Variants in ARHGEF12 observed in about 807,000 individuals in gnomAD.
ARHGEF12 encodes the protein Rho guanine nucleotide exchange factor 12, also known as KMT2A/ARHGEF12 fusion protein.
ARHGEF12 carries 66 observed loss-of-function variants against 211.2 expected under a neutral mutation model. The ratio of observed to expected loss-of-function variants is 0.31; its 90% CI spans 0.26 to 0.38. The LOEUF (loss-of-function observed/expected upper bound fraction) is 0.38, where lower values mean the gene tolerates loss of function less well. ARHGEF12 is among the 10% of genes least tolerant of loss of function. The probability of loss-of-function intolerance (pLI) is 1.00; values close to 1 mark genes in which losing one functional copy is unlikely to be tolerated. For missense variants in ARHGEF12, 1,429 were observed against 1,869.5 expected (o/e 0.76, Z 4.34); for synonymous variants, 592 against 638.4 (o/e 0.93, Z 1.09).
chr11:120,446,985 G>A lies in ARHGEF12; in HGVS notation c.1489G>A (p.Glu497Lys), dbSNP rs367789216. Residue 497 changes from glutamate (E) to lysine (K), a missense_variant, in exon 18 of 41, where the codon GAG (glutamate) becomes AAG (lysine). Transcript: ENST00000397843. The stretch of plus-strand genomic sequence containing the variant: ...TATGGGACTGACCTTGGCTGAAAGC[G>A]AGCTGACTAAACTTGATGCAGAGCG... ...RSMGLTLAES[E>K]LTKLDAERDK... is the part of the protein sequence containing the mutation. The A allele has an allele frequency of 1.5e-5, 24 of 1,614,040 alleles. No homozygotes were observed. Among genetic ancestry groups the A allele is most frequent in the African/African-American group, 5.3e-5 (4 of 74,914 alleles).
At chr11:120,355,055 C>T (rs1943093323) in intron 1 of ARHGEF12, among the ~76,000 whole-genome samples, 1 of 152,162 alleles carries the variant, frequency 6.6e-6, no homozygotes, top group Non-Finnish European at 1.5e-5. Context: ...GCTTATCCAG[C>T]TTGAAAAATT....
chr11:120,356,995 T>G (rs1943147620), intron 1 of ARHGEF12, among the ~76,000 whole-genome samples: 1 of 152,182 alleles, frequency 6.6e-6, no homozygotes, highest in Middle Eastern at 3.4e-3. Context: ...TGAATCTGTC[T>G]GACTTCCCAA....
intron 1 of ARHGEF12, among the ~76,000 whole-genome samples, chr11:120,397,150 T>C (rs1944416250): frequency 6.6e-6 from 1 of 152,222 alleles, no homozygotes; most frequent in South Asian, 2.1e-4. Context: ...TGTGTTTGTT[T>C]TCTACTTTCA....
intron 19 of ARHGEF12, 63 bp downstream of exon 19, chr11:120,447,969 T>A: frequency 7.9e-7 from 1 of 1,266,076 alleles, no homozygotes; most frequent in Non-Finnish European, 1.1e-6. Context: ...TTTTTTCCTT[T>A]CAGTCCTAAA....
At chr11:120,352,642 G>C (rs1943019516) in intron 1 of ARHGEF12, among the ~76,000 whole-genome samples, 1 of 152,160 alleles carries the variant, frequency 6.6e-6, no homozygotes, top group Non-Finnish European at 1.5e-5. Context: ...GGTGGGGAAA[G>C]GGGTGTGTGG....
At chr11:120,469,447 A>G (rs1279008268) in intron 30 of ARHGEF12, 59 bp downstream of exon 30, 12 of 1,332,464 alleles carry the variant, frequency 9.0e-6, no homozygotes, top group African/African-American at 1.5e-5. Context: ...AATTAATATT[A>G]CCTGGAATCT....
intron 1 of ARHGEF12, among the ~76,000 whole-genome samples, chr11:120,339,316 G>C (rs796710876): frequency 6.6e-6 from 1 of 151,954 alleles, no homozygotes; most frequent in Non-Finnish European, 1.5e-5. Context: ...GAGAGTAGTT[G>C]TTCCTAATAT....
intron 6 of ARHGEF12, 21 bp from the exon 7 acceptor site, chr11:120,424,337 A>G: frequency 1.3e-5 from 20 of 1,599,584 alleles, no homozygotes; most frequent in South Asian, 2.2e-5. Flanking sequence ...TCTGACATAC[A>G]CTACTTTCGT....
At chr11:120,361,712 A>G (rs1345457036) in intron 1 of ARHGEF12, among the ~76,000 whole-genome samples, 3 of 152,350 alleles carry the variant, frequency 2.0e-5, no homozygotes, top group East Asian at 3.9e-4. Flanking sequence ...GCTCACCTAC[A>G]TATCTCATAG....
At chr11:120,460,529 G>A in intron 26 of ARHGEF12, 143 bp from the exon 27 acceptor site, 1 of 593,026 alleles carries the variant, frequency 1.7e-6, no homozygotes, top group East Asian at 2.8e-5. Flanking sequence ...ACTATGTCCA[G>A]ATTTATATTT....
At chr11:120,483,681 C>T (rs1227291943) in intron 39 of ARHGEF12, among the ~76,000 whole-genome samples, 1 of 152,014 alleles carries the variant, frequency 6.6e-6, no homozygotes, top group South Asian at 2.1e-4. Flanking sequence ...GTGGCATGAT[C>T]TCTCCTCACT....
intron 15 of ARHGEF12, 73 bp downstream of exon 15, chr11:120,442,275 C>T: frequency 1.2e-5 from 14 of 1,155,652 alleles, no homozygotes; most frequent in South Asian, 3.3e-5. Context: ...TCCTATCTTC[C>T]CTCCCATGTT....
chr11:120,355,259 T>C (rs1485248505), intron 1 of ARHGEF12, among the ~76,000 whole-genome samples: 1 of 152,236 alleles, frequency 6.6e-6, no homozygotes, highest in Admixed American at 6.5e-5. Flanking sequence ...ATTTCAGTCT[T>C]GTCACACCCA....
At chr11:120,442,714 T>C (rs1314492153) in intron 15 of ARHGEF12, among the ~76,000 whole-genome samples, 3 of 152,148 alleles carry the variant, frequency 2.0e-5, no homozygotes, top group African/African-American at 7.2e-5. Context: ...TTTAAAGTAG[T>C]AAGTTTTATT....
intron 3 of ARHGEF12, chr11:120,408,312 T>A (rs1159138920): frequency 6.6e-6 from 1 of 152,276 alleles, no homozygotes; most frequent in African/African-American, 2.4e-5. Context: ...TTCTCTTCAG[T>A]CAAAAAGTAT....
intron 1 of ARHGEF12, among the ~76,000 whole-genome samples, chr11:120,405,442 A>AC (rs917264837): frequency 2.1e-4 from 32 of 151,734 alleles, no homozygotes; most frequent in Middle Eastern, 3.4e-3. Flanking sequence ...AGCTTATAGG[A>AC]CCCCCCCAGA....
At chr11:120,458,019 G>A in intron 24 of ARHGEF12, 61 bp from the exon 25 acceptor site, 1 of 1,528,464 alleles carries the variant, frequency 6.5e-7, no homozygotes, top group Non-Finnish European at 8.9e-7. Flanking sequence ...ATAAAGATTT[G>A]TGCTGTTTCT....
At chr11:120,460,432 C>G (rs1373008234) in intron 26 of ARHGEF12, among the ~76,000 whole-genome samples, 1 of 152,090 alleles carries the variant, frequency 6.6e-6, no homozygotes, top group African/African-American at 2.4e-5. Context: ...ATGCAACCAC[C>G]GTGTATGTAA....
intron 30 of ARHGEF12, among the ~76,000 whole-genome samples, chr11:120,472,284 CATACTT>C (rs1388790390): frequency 2.6e-5 from 4 of 152,014 alleles, no homozygotes; most frequent in African/African-American, 9.7e-5. Flanking sequence ...CAAAGACAAG[CATACTT>C]ATATATACAT....
Sources: gnomAD v4.1 joint callset for allele counts (sites outside exome capture counted in the v4.1 genomes callset) on GRCh38, gnomAD v4.1.1 for gene constraint, MANE v1.5 for transcripts, NCBI Gene and HGNC (gene_info 2026-07-23, HGNC 2026-07-21) for gene names.